The following CSPG4 variants were observed in gnomAD, a reference collection of about 807,000 sequenced individuals.
CSPG4 encodes chondroitin sulfate proteoglycan 4, also known as chondroitin sulfate proteoglycan 4 (melanoma-associated).
A neutral mutation model predicts 139.3 loss-of-function variants in CSPG4; 74 were observed. That is an observed-to-expected ratio of 0.53 (90% CI 0.44 to 0.64). The LOEUF is 0.64. Among genes scored for constraint, CSPG4 ranks in the 30% least tolerant of loss-of-function variants. The pLI is 0.00. For synonymous variants in CSPG4, 1,234 were observed against 1,394.2 expected (o/e 0.89, Z 2.56); for missense variants, 2,565 against 3,148.3 (o/e 0.81, Z 4.43).
intron 4 of CSPG4, 33 bp downstream of exon 4, chr15:75,685,186 G>A: frequency 6.6e-7 from 1 of 1,509,576 alleles, no homozygotes; most frequent in Admixed American, 2.3e-5. Flanking sequence ...CCAGAGCTGG[G>A]CTGCAGCCCC....
intron 1 of CSPG4, among the ~76,000 whole-genome samples, chr15:75,708,731 A>G (rs1216303554): frequency 2.6e-5 from 4 of 152,338 alleles, no homozygotes; most frequent in African/African-American, 9.6e-5. Flanking sequence ...CCTCATCTGT[A>G]AAATAGGACT....
Position 75,689,818 on chromosome 15 carries a change from A to G in CSPG4, c.1247T>C (p.Val416Ala), listed in dbSNP as rs757652216. ...GACAGGAGGCAGCCCTGGCTCAGGC[A>G]CGCATGGCTCAGGCAGCTCCATGGC... ...WPAMELPEPC[V>A]PEPGLPPVFA... The change falls in exon 3 of 10, where the codon GTG becomes GCG. Residue 416 changes from valine to alanine, a missense_variant. By Grantham distance (64) the Val-to-Ala change is moderately conservative. Transcript: ENST00000308508. 13 of 1,612,628 alleles carry G rather than the reference A, an allele frequency of 8.1e-6. No individual in the cohort carries two copies. The South Asian group carries it at 1.1e-4, about 14-fold the overall frequency.
chr15:75,680,719 C>T (rs904893455), intron 8 of CSPG4: 1 of 153,632 alleles, frequency 6.5e-6, no homozygotes, highest in Non-Finnish European at 1.5e-5. Context: ...GCCTCTTACT[C>T]GCCATGTGCT....
rs886201721 is a variant in CSPG4 at position 75,690,648 on chromosome 15, G to C, written c.417C>G (p.Pro139=). Residue 139 remains proline (P), a synonymous_variant, in exon 3 of 10, where the codon CCC becomes CCG. Coordinates refer to ENST00000308508, the MANE Select transcript of CSPG4 (RefSeq NM_001897.5). ...LNASSAVPGA[P]LEVPYGLFVG... is the part of the protein sequence containing the mutation. ...CAAAGAGCCCATAGGGGACCTCTAG[G>C]GGGGCTCCTGGGACTGCTGAGGAGG... The C allele has an allele frequency of 6.2e-7, 1 of 1,611,904 alleles. No homozygotes were observed.
rs781171777 is a variant in CSPG4, at chr15:75,675,556, C to T, written c.6963G>A (p.Trp2321Ter). The T allele has an allele frequency of 2.0e-6, 3 of 1,500,568 alleles. No individual in the cohort carries two copies. In the Admixed American group the frequency reaches 6.9e-5, roughly 35 times the overall value. 93.0% of individuals were successfully genotyped at this position (1,500,568 alleles called of 1,614,324 possible). The part of the protein sequence containing the change: ...PNPALKNGQY[W>*]V ...TCTGGGCCCAGGCCAGGCCTCACAC[C>T]CAGTACTGGCCATTCTTAAGGGCAG... Residue 2321 changes from tryptophan to a stop codon, truncating the protein, a stop_gained, in exon 10 of 10, where the codon TGG (tryptophan) becomes TGA (stop). Coordinates refer to ENST00000308508, the MANE Select transcript of CSPG4 (RefSeq NM_001897.5). LOFTEE classifies it high-confidence loss of function.
intron 2 of CSPG4, among the ~76,000 whole-genome samples, chr15:75,692,140 C>A (rs2141431986): frequency 6.6e-6 from 1 of 152,200 alleles, no homozygotes; most frequent in African/African-American, 2.4e-5. Context: ...TGTCACCATG[C>A]CCGGCTAATT....
At chr15:75,683,838 G>A (rs1301360076) in intron 5 of CSPG4, among the ~76,000 whole-genome samples, 1 of 152,322 alleles carries the variant, frequency 6.6e-6, no homozygotes, top group South Asian at 2.1e-4. Context: ...GGCAGGAGGG[G>A]CCATAATGTT....
chr15:75,712,745 C>G lies in CSPG4; in HGVS notation c.11G>C (p.Gly4Ala). ...GGGGGCTGGAAGTGGGGGCCGCGGC[C>G]CGGACTGCATCCCGGCGGGCTGGGC... MQSGPRPPLPAPGL... is the reference protein window; with the variant it reads MQSAPRPPLPAPGL... Residue 4 changes from glycine to alanine, a missense_variant, in exon 1 of 10, where the codon GGG becomes GCG. Coordinates refer to ENST00000308508, the MANE Select transcript of CSPG4 (RefSeq NM_001897.5). 1 of 1,550,632 alleles carries G rather than the reference C, an allele frequency of 6.4e-7. No homozygotes were observed. Among genetic ancestry groups the G allele is most frequent in the Non-Finnish European group, 8.7e-7 (1 of 1,147,572 alleles).
At chr15:75,677,631 C>A in intron 9 of CSPG4, 72 bp downstream of exon 9, 1 of 1,488,328 alleles carries the variant, frequency 6.7e-7, no homozygotes, top group Non-Finnish European at 9.0e-7. Context: ...TGACCCTGGC[C>A]TCGTGTCCCC....
At position 75,676,398 on chromosome 15, in the gene CSPG4, C is replaced by T. The variant is rs146885072; in HGVS notation, c.6121G>A (p.Val2041Ile). The T allele has an allele frequency of 2.0e-5, 33 of 1,613,556 alleles. No homozygotes were observed. The African/African-American group carries it at 2.4e-4, about 12-fold the overall frequency. Residue 2041 changes from valine to isoleucine, a missense_variant, in exon 10 of 10, where the codon GTC becomes ATC. Val to Ile is a conservative substitution (Grantham distance 29). Around this residue, in one of 5 missense-constraint regions of CSPG4, gnomAD observed 2,316 missense variants for 2,818.2 expected, o/e 0.82. Coordinates refer to ENST00000308508, the MANE Select transcript of CSPG4 (RefSeq NM_001897.5). The stretch of plus-strand genomic sequence containing the variant: ...ACATGCAGCAGAGCCCTCACAGTGA[C>T]GTTCACTACGGCTGATGCATTGACA... ...RGVNASAVVN[V>I]TVRALLHVWA... is the part of the protein sequence containing the mutation.
intron 1 of CSPG4, among the ~76,000 whole-genome samples, chr15:75,701,413 G>A (rs1282283077): frequency 1.3e-5 from 2 of 152,114 alleles, no homozygotes; most frequent in African/African-American, 2.4e-5. Context: ...GGGCGTTGCC[G>A]GGGGGTGCAC....
chr15:75,703,935 T>G (rs1596013689), intron 1 of CSPG4, among the ~76,000 whole-genome samples: 3 of 62,710 alleles, frequency 4.8e-5, no homozygotes, highest in African/African-American at 7.2e-5. Flanking sequence ...TGGGGTGGTC[T>G]GGGTTTATTT....
intron 1 of CSPG4, among the ~76,000 whole-genome samples, chr15:75,702,731 G>A (rs1234416063): frequency 6.6e-6 from 1 of 152,234 alleles, no homozygotes; most frequent in African/African-American, 2.4e-5. Context: ...TGCTTTTCTG[G>A]GCCTGTGGTG....
intron 3 of CSPG4, among the ~76,000 whole-genome samples, chr15:75,686,882 G>A (rs1894066671): frequency 6.6e-6 from 1 of 152,250 alleles, no homozygotes; most frequent in African/African-American, 2.4e-5. Flanking sequence ...AGGGTCTGAG[G>A]AGTAGCGGCC....
In CSPG4 at chr15:75,689,571, G is replaced by C. The variant is rs762962963; in HGVS notation, c.1494C>G (p.Asp498Glu). Reference sequence around the variant, plus strand: ...TGAAGCGGGCCTTGCGGTTCACCACGTCCAGGAGGGTGAACATTTTTCGTG... The same window carrying C: ...TGAAGCGGGCCTTGCGGTTCACCACCTCCAGGAGGGTGAACATTTTTCGTG... The part of the protein sequence containing the change: ...AQARKMFTLL[D>E]VVNRKARFIH... The change falls in exon 3 of 10, where the codon GAC (aspartate) becomes GAG (glutamate). Residue 498 changes from aspartate to glutamate, a missense_variant. Physicochemically the swap from Asp to Glu is conservative, Grantham distance 45 (BLOSUM62 2). Around this residue, in one of 5 missense-constraint regions of CSPG4, gnomAD observed 2,316 missense variants for 2,818.2 expected, o/e 0.82. Coordinates refer to ENST00000308508, the MANE Select transcript of CSPG4 (RefSeq NM_001897.5). 1.2e-6 allele frequency: 2 copies of C among 1,612,710 alleles called. No individual in the cohort carries two copies. Among genetic ancestry groups the C allele is most frequent in the African/African-American group, 1.3e-5 (1 of 75,058 alleles).
Position 75,676,215 on chromosome 15 carries a change from T to C in CSPG4, c.6304A>G (p.Thr2102Ala). 1 of 1,552,188 alleles carries C rather than the reference T, an allele frequency of 6.4e-7. No homozygotes were observed. Residue 2102 changes from threonine (T) to alanine (A), a missense_variant, in exon 10 of 10, where the codon ACG becomes GCG. By Grantham distance (58) the Thr-to-Ala change is moderately conservative. This residue lies in a region of CSPG4 where 2,316 missense variants were observed against 2,818.2 expected (regional missense o/e 0.82). Coordinates refer to ENST00000308508, the MANE Select transcript of CSPG4 (RefSeq NM_001897.5). ...ACCAGCTGGCTGCCCCCGGGCTCCG[T>C]CCTGGCTCGGGGCACGCGGACCACG... is the stretch of plus-strand genomic sequence containing the variant. ...GRVVRVPRAR[T>A]EPGGSQLVEQ...
chr15:75,690,561 A>ACCCCTCAGGGGTCGGCTGGTT lies in CSPG4; in HGVS notation c.483_503dup (p.Thr162_Gly168dup). 6.2e-7 allele frequency: 1 copy of ACCCCTCAGGGGTCGGCTGGTT among 1,608,586 alleles called. No individual in the cohort carries two copies. The highest frequency in any genetic ancestry group is 8.5e-7 in the Non-Finnish European group (1 of 1,178,544). On this transcript the variant is annotated inframe_insertion, in exon 3 of 10. Coordinates refer to ENST00000308508, the MANE Select transcript of CSPG4 (RefSeq NM_001897.5). ...CATTGAGGGTGGCTGCATGGAGGCAACCCCTCAGGGGTCGGCTGGTTCCCC... is the reference window on the plus strand; with the variant it reads ...CATTGAGGGTGGCTGCATGGAGGCAACCCCTCAGGGGTCGGCTGGTTCCCCTCAGGGGTCGGCTGGTTCCCC...
At position 75,688,459 on chromosome 15, in the gene CSPG4, A is replaced by C; in HGVS notation, c.2606T>G (p.Val869Gly). ...YGATARASEA[V>G]EDTFRFRVTA... ...GACACGGAAACGGAAGGTGTCCTCG[A>C]CTGCCTCTGAGGCACGTGCTGTGGC... Residue 869 changes from valine to glycine, a missense_variant, in exon 3 of 10, where the codon GTC becomes GGC. Coordinates refer to ENST00000308508, the MANE Select transcript of CSPG4 (RefSeq NM_001897.5). The C allele has an allele frequency of 6.2e-7, 1 of 1,613,220 alleles. No individual in the cohort carries two copies. Among genetic ancestry groups the C allele is most frequent in the Non-Finnish European group, 8.5e-7 (1 of 1,180,030 alleles).
intron 1 of CSPG4, among the ~76,000 whole-genome samples, chr15:75,706,923 A>G (rs1894381071): frequency 6.6e-6 from 1 of 151,408 alleles, no homozygotes; most frequent in Admixed American, 6.6e-5. Flanking sequence ...CCAATAGGAT[A>G]CCACCAGTGG....
Sources: gnomAD v4.1 joint callset for allele counts (sites outside exome capture counted in the v4.1 genomes callset) on GRCh38, gnomAD v4.1.1 for gene constraint, gnomAD v4.1.1 regional missense constraint, MANE v1.5 for transcripts, NCBI Gene and HGNC (gene_info 2026-07-23, HGNC 2026-07-21) for gene names.